TRIM33: variants seen among roughly 807,000 people sequenced by gnomAD.
TRIM33 encodes the protein E3 ubiquitin-protein ligase TRIM33.
TRIM33 carries 20 observed loss-of-function variants against 125.4 expected under a neutral mutation model. That is an observed-to-expected ratio of 0.16 (90% confidence interval 0.11 to 0.23). TRIM33 has a LOEUF of 0.23. Ranked by LOEUF, TRIM33 falls within the 10% of genes least tolerant of loss-of-function variation. The pLI is 1.00. For missense variants in TRIM33, 920 were observed against 1,411.4 expected (o/e 0.65, Z 5.58); for synonymous variants, 564 against 513.9 (o/e 1.10, Z -1.32).
At chr1:114,487,297 T>A (rs1371244605) in intron 1 of TRIM33, among the ~76,000 whole-genome samples, 3 of 140,730 alleles carry the variant, frequency 2.1e-5, no homozygotes, top group African/African-American at 8.1e-5. Flanking sequence ...GAGGAACATC[T>A]ATTCAAATGA....
chr1:114,398,765 C>G (rs1159456364), intron 18 of TRIM33, among the ~76,000 whole-genome samples: 1 of 151,670 alleles, frequency 6.6e-6, no homozygotes, highest in Non-Finnish European at 1.5e-5. Flanking sequence ...TCATTAAATT[C>G]CATTTTCTTC....
At position 114,394,100 on chromosome 1, in the gene TRIM33, G is replaced by T; in HGVS notation, c.*3548C>A. The stretch of plus-strand genomic sequence containing the variant: ...CTTCAGCAGATCATTAACATAGATG[G>T]TACAGAAATTAAGAATTCATGGTAT... On this transcript the variant is annotated 3_prime_UTR_variant, in exon 20 of 20. Transcript: ENST00000358465. The T allele has an allele frequency of 4.4e-6, 1 of 227,984 alleles. No individual in the cohort carries two copies. Among genetic ancestry groups the T allele is most frequent in the East Asian group, 6.3e-5 (1 of 15,884 alleles). The allele number at this position is 227,984 out of a possible 1,614,324, so 14.1% of individuals were successfully genotyped here.
chr1:114,409,034 A>G (rs1305181114), intron 12 of TRIM33, among the ~76,000 whole-genome samples: 2 of 152,216 alleles, frequency 1.3e-5, no homozygotes, highest in South Asian at 4.1e-4. Flanking sequence ...AAAATATTCT[A>G]CTTAGGTTCC....
At chr1:114,432,163 C>A (rs1308842079) in intron 5 of TRIM33, among the ~76,000 whole-genome samples, 3 of 152,136 alleles carry the variant, frequency 2.0e-5, no homozygotes, top group African/African-American at 7.2e-5. Flanking sequence ...CCCGTGCAAT[C>A]TTGTAACAGG....
At chr1:114,469,101 T>C in intron 1 of TRIM33, 1 of 233,840 alleles carries the variant, frequency 4.3e-6, no homozygotes, top group Non-Finnish European at 8.4e-6. Flanking sequence ...ACAGAAAAAG[T>C]CTTCAGAAGA....
At chr1:114,413,851 C>T (rs1371225889) in intron 11 of TRIM33, among the ~76,000 whole-genome samples, 2 of 151,814 alleles carry the variant, frequency 1.3e-5, no homozygotes, top group African/African-American at 4.8e-5. Context: ...AGCAAGACCC[C>T]ATCTCTACAA....
intron 1 of TRIM33, among the ~76,000 whole-genome samples, chr1:114,476,713 T>A (rs979387731): frequency 1.8e-4 from 27 of 152,136 alleles, no homozygotes; most frequent in African/African-American, 6.3e-4. Flanking sequence ...TCCATGTAAC[T>A]CTAAAGCAAG....
At position 114,397,317 on chromosome 1, in the gene TRIM33, C is replaced by A; in HGVS notation, c.*331G>T. On this transcript the variant is annotated 3_prime_UTR_variant, in exon 20 of 20. Coordinates refer to ENST00000358465, the MANE Select transcript of TRIM33 (RefSeq NM_015906.4). Reference sequence around the variant, plus strand: ...AAGTATTTACTCGTATACCAAGTATCCTGCACCAATCAATAGCACACAATC... The same window carrying A: ...AAGTATTTACTCGTATACCAAGTATACTGCACCAATCAATAGCACACAATC... 2.6e-6 allele frequency: 1 copy of A among 384,182 alleles called. No homozygotes were observed. The highest frequency in any genetic ancestry group is 4.7e-6 in the Non-Finnish European group (1 of 211,132). 23.8% of individuals were successfully genotyped at this position (384,182 alleles called of 1,614,324 possible).
intron 1 of TRIM33, among the ~76,000 whole-genome samples, chr1:114,490,002 G>A (rs1651952665): frequency 6.9e-6 from 1 of 144,166 alleles, no homozygotes; most frequent in African/African-American, 2.6e-5. Context: ...TGTAATCCCA[G>A]CACTTTAGGA....
intron 1 of TRIM33, among the ~76,000 whole-genome samples, chr1:114,494,174 C>T (rs1032958952): frequency 2.0e-5 from 3 of 151,708 alleles, no homozygotes; most frequent in African/African-American, 7.3e-5. Context: ...GTTGCCCAAG[C>T]GAGTCTTGAA....
chr1:114,473,818 CAAT>C (rs754251633), intron 1 of TRIM33, among the ~76,000 whole-genome samples: 6 of 152,010 alleles, frequency 3.9e-5, no homozygotes, highest in Admixed American at 1.3e-4. Flanking sequence ...CTAACCATAA[CAAT>C]AATGATAGTA....
chr1:114,410,414 C>T, intron 11 of TRIM33, 98 bp from the exon 12 acceptor site: 4 of 1,194,000 alleles, frequency 3.4e-6, no homozygotes, highest in Non-Finnish European at 2.3e-6. Flanking sequence ...AATAAACTAA[C>T]AGATTATCCA....
intron 12 of TRIM33, among the ~76,000 whole-genome samples, chr1:114,409,732 G>A (rs1226311730): frequency 4.6e-5 from 7 of 152,170 alleles, no homozygotes; most frequent in Non-Finnish European, 1.0e-4. Flanking sequence ...GCTAGGATAT[G>A]ACACCCAGCA....
rs930055161 is a variant in TRIM33 at position 114,395,886 on chromosome 1, TAAGAA to T, written c.*1757_*1761del. ...ATTCCTGTTTACCCCCACCCCTTGT[TAAGAA>T]AAGAAAAACAACCCAAAGGAATTTG... On this transcript the variant is annotated 3_prime_UTR_variant, in exon 20 of 20. Coordinates refer to ENST00000358465, the MANE Select transcript of TRIM33 (RefSeq NM_015906.4). 1.6e-5 allele frequency: 3 copies of T among 192,748 alleles called. No homozygotes were observed. The highest frequency in any genetic ancestry group is 6.1e-5 in the Admixed American group (1 of 16,380). The allele number at this position is 192,748 out of a possible 1,614,324, so 11.9% of individuals were successfully genotyped here.
chr1:114,438,426 A>G (rs1357144370), intron 4 of TRIM33, among the ~76,000 whole-genome samples: 1 of 152,162 alleles, frequency 6.6e-6, no homozygotes, highest in Non-Finnish European at 1.5e-5. Flanking sequence ...TTCATAGCTG[A>G]TTTTATCTAT....
chr1:114,400,472 G>A (rs1378966416), intron 17 of TRIM33, among the ~76,000 whole-genome samples: 4 of 152,160 alleles, frequency 2.6e-5, no homozygotes, highest in Non-Finnish European at 5.9e-5. Context: ...CAAAATGATG[G>A]GATTACAGGC....
rs951245949 is a variant in TRIM33 at position 114,396,478 on chromosome 1, T to G, written c.*1170A>C. Reference sequence around the variant, plus strand: ...TTCGATATTTCAATAATAAGCTGCTTCTGAAGATTTTTTGAGAAGTCTGTT... The same window carrying G: ...TTCGATATTTCAATAATAAGCTGCTGCTGAAGATTTTTTGAGAAGTCTGTT... On this transcript the variant is annotated 3_prime_UTR_variant, in exon 20 of 20. Transcript: ENST00000358465. 2.1e-5 allele frequency: 4 copies of G among 194,966 alleles called. No homozygotes were observed. The highest frequency in any genetic ancestry group is 6.1e-5 in the Admixed American group (1 of 16,420). The allele number at this position is 194,966 out of a possible 1,614,324, so 12.1% of individuals were successfully genotyped here.
intron 11 of TRIM33, among the ~76,000 whole-genome samples, chr1:114,411,330 A>C (rs1450280153): frequency 1.3e-5 from 2 of 152,218 alleles, no homozygotes; most frequent in Middle Eastern, 3.2e-3. Flanking sequence ...CAAACAAAAC[A>C]AAACCCATGC....
At chr1:114,409,492 G>C (rs1652447909) in intron 12 of TRIM33, among the ~76,000 whole-genome samples, 4 of 152,014 alleles carry the variant, frequency 2.6e-5, no homozygotes, top group African/African-American at 9.7e-5. Context: ...GTGTTTTAAA[G>C]TTGACTTGGA....
Sources: gnomAD v4.1 joint callset for allele counts (sites outside exome capture counted in the v4.1 genomes callset) on GRCh38, gnomAD v4.1.1 for gene constraint, MANE v1.5 for transcripts, NCBI Gene and HGNC (gene_info 2026-07-23, HGNC 2026-07-21) for gene names.